Variants in SLC4A10 observed in about 807,000 individuals in gnomAD.
SLC4A10 encodes the protein solute carrier family 4 member 10, also known as sodium-driven chloride bicarbonate exchanger.
Under a neutral mutation model 137.7 loss-of-function variants are expected in SLC4A10, and 42 were observed. The ratio of observed to expected loss-of-function variants is 0.30; its 90% CI spans 0.24 to 0.39. The LOEUF is 0.39. Ranked by LOEUF, SLC4A10 falls within the 10% of genes least tolerant of loss-of-function variation. SLC4A10 has a pLI of 1.00. For synonymous variants in SLC4A10, 474 were observed against 464.1 expected (o/e 1.02, Z -0.27); for missense variants, 925 against 1,355.0 (o/e 0.68, Z 4.98).
intron 18 of SLC4A10, 29 bp downstream of exon 18, chr2:161,949,290 T>C (rs755376582): frequency 5.1e-6 from 7 of 1,380,854 alleles, no homozygotes; most frequent in Admixed American, 1.7e-5. Flanking sequence ...CCTCTTCCCA[T>C]CTCTCTCGGT....
At chr2:161,892,474 C>A (rs1216004470) in intron 10 of SLC4A10, among the ~76,000 whole-genome samples, 1 of 151,924 alleles carries the variant, frequency 6.6e-6, no homozygotes, top group Non-Finnish European at 1.5e-5. Context: ...TTAACATTTT[C>A]GTATTATCCT....
In SLC4A10 at chr2:161,942,839, A is replaced by C. The variant is rs941456216; in HGVS notation, c.2045A>C (p.Glu682Ala). The change falls in exon 16 of 27, where the codon GAA (glutamate) becomes GCA (alanine). Residue 682 changes from glutamate (E) to alanine (A), a missense_variant. Physicochemically the swap from Glu to Ala is moderately radical, Grantham distance 107. Around this residue, in one of 11 missense-constraint regions of SLC4A10, gnomAD observed 91 missense variants for 95.6 expected, o/e 0.95. Transcript: ENST00000446997. ...PHNPSNGTLK[E>A]WRESNISASD... ...AATCCCAGCAATGGCACATTGAAGGAATGGAGGGAATCCAATATTTCTGCC... is the reference window on the plus strand; with the variant it reads ...AATCCCAGCAATGGCACATTGAAGGCATGGAGGGAATCCAATATTTCTGCC... 1 of 1,605,968 alleles carries C rather than the reference A, an allele frequency of 6.2e-7. No homozygotes were observed. The highest frequency in any genetic ancestry group is 8.5e-7 in the Non-Finnish European group (1 of 1,176,100).
At chr2:161,732,161 T>TTGGCATTTGAGTAATTGAG (rs2046886138) in intron 1 of SLC4A10, among the ~76,000 whole-genome samples, 7 of 152,290 alleles carry the variant, frequency 4.6e-5, no homozygotes, top group Admixed American at 1.3e-4. Context: ...GGGAGCTTCA[T>TTGGCATTTGAGTAATTGAG]TACTAGCCAT....
At chr2:161,771,736 T>C (rs541198395) in intron 2 of SLC4A10, among the ~76,000 whole-genome samples, 4 of 152,008 alleles carry the variant, frequency 2.6e-5, no homozygotes, top group Admixed American at 2.0e-4. Flanking sequence ...GCCAAAGAGT[T>C]GTGTAAATAC....
chr2:161,693,382 A>G lies in SLC4A10; in HGVS notation c.48+68816A>G, dbSNP rs573259881. 5.3e-5 allele frequency among the ~76,000 whole-genome samples: 8 copies of G among 152,184 alleles called. No individual in the cohort carries two copies. In the East Asian group the frequency reaches 1.5e-3, roughly 29 times the overall value. On this transcript the variant is annotated intron_variant, in intron 1 of 26. Transcript: ENST00000446997. The stretch of plus-strand genomic sequence containing the variant: ...AAAATATCCTCAAAAATGACAGAAT[A>G]AAAGTGATGGTTAAAAGTATGGATC...
At chr2:161,631,302 G>A (rs987550978) in intron 1 of SLC4A10, among the ~76,000 whole-genome samples, 5 of 151,790 alleles carry the variant, frequency 3.3e-5, no homozygotes, top group Admixed American at 2.0e-4. Context: ...TTATGTAAAC[G>A]TTATTTCAAA....
chr2:161,918,578 A>C (rs997148207), intron 15 of SLC4A10, among the ~76,000 whole-genome samples: 6 of 152,210 alleles, frequency 3.9e-5, no homozygotes, highest in African/African-American at 1.2e-4. Context: ...ATTAGCACAT[A>C]ATAGTGCTTA....
intron 5 of SLC4A10, among the ~76,000 whole-genome samples, chr2:161,862,329 A>G (rs1172561845): frequency 6.6e-6 from 1 of 152,200 alleles, no homozygotes; most frequent in African/African-American, 2.4e-5. Context: ...ATATCACTTC[A>G]TAGGCCTCTT....
chr2:161,842,985 C>T (rs2059277725), intron 4 of SLC4A10, among the ~76,000 whole-genome samples: 1 of 152,134 alleles, frequency 6.6e-6, no homozygotes, highest in South Asian at 2.1e-4. Flanking sequence ...CTAGACAGCT[C>T]TGGTTAGTTA....
At chr2:161,765,867 T>C (rs1310186451) in intron 1 of SLC4A10, among the ~76,000 whole-genome samples, 2 of 152,088 alleles carry the variant, frequency 1.3e-5, no homozygotes, top group African/African-American at 4.8e-5. Flanking sequence ...GTGCTGTATG[T>C]CCCTCTGCAT....
At chr2:161,728,361 G>A (rs769091346) in intron 1 of SLC4A10, among the ~76,000 whole-genome samples, 30 of 152,124 alleles carry the variant, frequency 2.0e-4, no homozygotes, top group Non-Finnish European at 2.1e-4. Flanking sequence ...AATTATCTGA[G>A]GTCAGGAGTT....
Position 161,645,966 on chromosome 2 carries a change from T to C in SLC4A10, c.48+21400T>C, listed in dbSNP as rs995287574. 4.6e-5 allele frequency among the ~76,000 whole-genome samples: 7 copies of C among 152,190 alleles called. No individual in the cohort carries two copies. The East Asian group carries it at 1.3e-3, about 29-fold the overall frequency. ...AAAAAGGTGATCATATACTTCAATA[T>C]ATATAACTTCTATTAATGCACATGA... is the stretch of plus-strand genomic sequence containing the variant. On this transcript the variant is annotated intron_variant, in intron 1 of 26. Coordinates refer to ENST00000446997, the MANE Select transcript of SLC4A10 (RefSeq NM_001178015.2).
chr2:161,977,082 A>G (rs1367755604), intron 25 of SLC4A10, among the ~76,000 whole-genome samples: 1 of 152,104 alleles, frequency 6.6e-6, no homozygotes, highest in Non-Finnish European at 1.5e-5. Context: ...TGTGCTAGAA[A>G]TGAGTCACAA....
At chr2:161,793,144 G>A (rs1169027907) in intron 2 of SLC4A10, among the ~76,000 whole-genome samples, 3 of 151,808 alleles carry the variant, frequency 2.0e-5, no homozygotes, top group African/African-American at 7.3e-5. Context: ...TTCTTTTTCA[G>A]AAATTTTATT....
Position 161,841,288 on chromosome 2 carries a change from G to C in SLC4A10, c.416+1361G>C, listed in dbSNP as rs936727479. Among the ~76,000 whole-genome samples, 3 of 152,188 alleles carry C rather than the reference G, an allele frequency of 2.0e-5. No homozygotes were observed. In the South Asian group the frequency reaches 6.2e-4, roughly 32 times the overall value. On this transcript the variant is annotated intron_variant, in intron 4 of 26. Coordinates refer to ENST00000446997, the MANE Select transcript of SLC4A10 (RefSeq NM_001178015.2). ...AGACAGGGTTTCACCATGTTGGCCA[G>C]GCTGGTCTCGAACTCCTGACCTCAA...
At chr2:161,791,927 T>C (rs2054254321) in intron 2 of SLC4A10, among the ~76,000 whole-genome samples, 1 of 152,178 alleles carries the variant, frequency 6.6e-6, no homozygotes, top group Non-Finnish European at 1.5e-5. Flanking sequence ...GGCATGTGTT[T>C]GCATGTGGAT....
At chr2:161,817,719 C>A (rs1302248836) in intron 3 of SLC4A10, among the ~76,000 whole-genome samples, 1 of 152,084 alleles carries the variant, frequency 6.6e-6, no homozygotes, top group Non-Finnish European at 1.5e-5. Context: ...TTTCCCAGCA[C>A]CATTTATTAA....
intron 6 of SLC4A10, among the ~76,000 whole-genome samples, chr2:161,863,369 T>G (rs1310289081): frequency 6.6e-6 from 1 of 152,128 alleles, no homozygotes; most frequent in Admixed American, 6.5e-5. Flanking sequence ...CCAAATAAGG[T>G]CCTAGTCTCT....
chr2:161,984,121 C>T lies in SLC4A10; in HGVS notation c.*969C>T, dbSNP rs1225124266. On this transcript the variant is annotated 3_prime_UTR_variant, in exon 27 of 27. Transcript: ENST00000446997. ...TTACTCTGCAGCTAATGGTCATGCA[C>T]TGCTTAATGCTGGTCCTGAATCATG... is the stretch of plus-strand genomic sequence containing the variant. 6.6e-6 allele frequency: 1 copy of T among 152,160 alleles called. No individual in the cohort carries two copies. Among genetic ancestry groups the T allele is most frequent in the East Asian group, 1.9e-4 (1 of 5,196 alleles). The allele number at this position is 152,160 out of a possible 1,614,324, so 9.4% of individuals were successfully genotyped here.
Sources: gnomAD v4.1 joint callset for allele counts (sites outside exome capture counted in the v4.1 genomes callset) on GRCh38, gnomAD v4.1.1 for gene constraint, gnomAD v4.1.1 regional missense constraint, MANE v1.5 for transcripts, NCBI Gene and HGNC (gene_info 2026-07-23, HGNC 2026-07-21) for gene names.